ZNF790: variants seen among roughly 807,000 people sequenced by gnomAD.
ZNF790 encodes zinc finger protein 790.
A neutral mutation model predicts 12.1 loss-of-function variants in ZNF790; 8 were observed. The observed-to-expected ratio is 0.66, with a 90% confidence interval of 0.39 to 1.19. The LOEUF (loss-of-function observed/expected upper bound fraction) is 1.19, where lower values mean the gene tolerates loss of function less well. Ranked by LOEUF, ZNF790 falls within the 50% of genes most tolerant of loss-of-function variation. ZNF790 has a pLI of 0.01. For missense variants in ZNF790, 707 were observed against 752.2 expected (o/e 0.94, Z 0.70); for synonymous variants, 252 against 244.3 (o/e 1.03, Z -0.29).
chr19:36,820,739 A>G (rs956604337), intron 4 of ZNF790, among the ~76,000 whole-genome samples: 19 of 152,140 alleles, frequency 1.2e-4, no homozygotes, highest in African/African-American at 4.6e-4. Flanking sequence ...ACCCATCTCT[A>G]TAAAAAATTA....
At chr19:36,845,444 C>A in intron 1 of ZNF790, among the ~76,000 whole-genome samples, 1 of 150,630 alleles carries the variant, frequency 6.6e-6, no homozygotes, top group African/African-American at 2.4e-5. Context: ...GAAAGAATAG[C>A]AATAGAAAGA....
intron 1 of ZNF790, among the ~76,000 whole-genome samples, chr19:36,827,141 C>CACACACACACATATATATATAT (rs1313807327): frequency 1.2e-5 from 1 of 84,432 alleles, no homozygotes; most frequent in African/African-American, 5.5e-5. Context: ...CACACACACA[C>CACACACACACATATATATATAT]ATATATATAT....
At chr19:36,827,300 GGCT>G (rs2071846709) in intron 1 of ZNF790, among the ~76,000 whole-genome samples, 1 of 151,580 alleles carries the variant, frequency 6.6e-6, no homozygotes, top group Non-Finnish European at 1.5e-5. Context: ...CAACAGCCTG[GGCT>G]CCACAGTCGG....
At chr19:36,831,386 A>G (rs1229073955) in intron 1 of ZNF790, among the ~76,000 whole-genome samples, 1 of 152,158 alleles carries the variant, frequency 6.6e-6, no homozygotes, top group Non-Finnish European at 1.5e-5. Flanking sequence ...GTGGAATTCA[A>G]GACTGAAAGA....
chr19:36,820,447 A>G (rs1057148750), intron 4 of ZNF790, among the ~76,000 whole-genome samples: 2 of 152,270 alleles, frequency 1.3e-5, no homozygotes, highest in Non-Finnish European at 2.9e-5. Flanking sequence ...AATGTCTTAT[A>G]TAATTCAGAG....
At chr19:36,833,107 T>G (rs914433104) in intron 1 of ZNF790, among the ~76,000 whole-genome samples, 2 of 152,088 alleles carry the variant, frequency 1.3e-5, no homozygotes, top group Admixed American at 1.3e-4. Context: ...TTCCTATAAA[T>G]AAATCTAACA....
chr19:36,825,344 C>T (rs968286648), intron 2 of ZNF790, among the ~76,000 whole-genome samples: 2 of 152,186 alleles, frequency 1.3e-5, no homozygotes, highest in African/African-American at 2.4e-5. Flanking sequence ...AAAGTCTTTA[C>T]TGTTCCCCTT....
At chr19:36,838,788 A>G (rs2072101875), upstream of ZNF790, among the ~76,000 whole-genome samples, 1 of 152,210 alleles carries the variant, frequency 6.6e-6, no homozygotes, top group African/African-American at 2.4e-5. The surrounding 1 kb of genome is among the most constrained non-coding windows in gnomAD (Gnocchi z 4.4). Flanking sequence ...GATGGTTTTC[A>G]GTAGGAGCTC....
chr19:36,830,233 T>A (rs1302669), intron 1 of ZNF790, among the ~76,000 whole-genome samples: 5,841 of 152,144 alleles, frequency 0.038, 368 homozygotes, highest in African/African-American at 0.13. Context: ...GTGTATGTTT[T>A]AAAAAAAATC....
chr19:36,844,836 CAGG>C lies in ZNF790; in HGVS notation c.-74+5163_-74+5165del, dbSNP rs59763653. ...GGCCGAGGCGGGCGGATCACGAGGT[CAGG>C]AGATCGAGACCATCCCGGCTAAAAC... On this transcript the variant is annotated intron_variant, in intron 1 of 4. Transcript: ENST00000528994. Among the ~76,000 whole-genome samples, 985 of 151,376 alleles carry C rather than the reference CAGG, an allele frequency of 6.5e-3. 12 individuals carry two copies. The highest frequency in any genetic ancestry group is 0.022 in the African/African-American group (916 of 41,306).
At chr19:36,841,002 G>T (rs572907863), upstream of ZNF790, among the ~76,000 whole-genome samples, 69 of 152,026 alleles carry the variant, frequency 4.5e-4, no homozygotes, top group African/African-American at 1.6e-3. Flanking sequence ...AAAAGAAAAA[G>T]ATATGATGTA....
At chr19:36,835,694 G>A (rs2072031495) in intron 1 of ZNF790, among the ~76,000 whole-genome samples, 1 of 152,120 alleles carries the variant, frequency 6.6e-6, no homozygotes, top group East Asian at 1.9e-4. Context: ...TCAAGGTGTT[G>A]GTAGGGCTGT....
rs1171671787 is a variant in ZNF790 at position 36,825,655 on chromosome 19, ATTCT to A, written c.-40_-37del. 6.2e-6 allele frequency: 10 copies of A among 1,613,862 alleles called. No individual in the cohort carries two copies. The highest frequency in any genetic ancestry group is 8.5e-6 in the Non-Finnish European group (10 of 1,179,714). On this transcript the variant is annotated 5_prime_UTR_variant, in exon 2 of 5. Transcript: ENST00000356725. ...TCCAAGTCCACCAGTCCTTCTCTGG[ATTCT>A]TTCTTGGTGAGGCAGCGTGCTGGGA...
chr19:36,841,450 T>A (rs1206983041), upstream of ZNF790, among the ~76,000 whole-genome samples: 3 of 151,822 alleles, frequency 2.0e-5, no homozygotes, highest in African/African-American at 7.3e-5. Flanking sequence ...TGAAACCCCA[T>A]CTCTACTAAA....
At chr19:36,841,656 C>T (rs556727367), upstream of ZNF790, among the ~76,000 whole-genome samples, 7 of 150,980 alleles carry the variant, frequency 4.6e-5, no homozygotes, top group South Asian at 2.1e-4. Context: ...CCAAGGCAGG[C>T]GGATCACCTA....
intron 1 of ZNF790, among the ~76,000 whole-genome samples, chr19:36,835,945 G>T (rs2072035960): frequency 2.0e-5 from 3 of 151,910 alleles, no homozygotes; most frequent in African/African-American, 7.3e-5. Context: ...CCCATTTCAA[G>T]GTTCTTAACT....
upstream of ZNF790, among the ~76,000 whole-genome samples, chr19:36,842,877 T>A (rs560701015): frequency 7.4e-4 from 112 of 151,500 alleles, no homozygotes; most frequent in African/African-American, 2.6e-3. Flanking sequence ...TAGTGGCGGA[T>A]GCCTGTAATC....
chr19:36,838,235 C>G lies in ZNF790; in HGVS notation c.-74+102G>C, dbSNP rs548264818. 1 of 152,678 alleles carries G rather than the reference C, an allele frequency of 6.5e-6. No homozygotes were observed. Among genetic ancestry groups the G allele is most frequent in the African/African-American group, 2.4e-5 (1 of 41,598 alleles). The allele number at this position is 152,678 out of a possible 1,614,324, so 9.5% of individuals were successfully genotyped here. On this transcript the variant is annotated intron_variant, in intron 1 of 4. Coordinates refer to ENST00000356725, the MANE Select transcript of ZNF790 (RefSeq NM_206894.4). The surrounding 1 kb of genome is among the most constrained non-coding windows in gnomAD (Gnocchi z 4.4). ...ATCGCTCGCCCCCACGCTCCCTCGC[C>G]GGCAAAGCCACCAACTCCAAAGACA... is the stretch of plus-strand genomic sequence containing the variant.
At chr19:36,847,246 C>T (rs938226977) in intron 1 of ZNF790, among the ~76,000 whole-genome samples, 17 of 151,112 alleles carry the variant, frequency 1.1e-4, no homozygotes, top group African/African-American at 3.6e-4. Context: ...CCCAGCTACT[C>T]GGGAGGCTGA....
Sources: allele counts gnomAD v4.1 joint callset (sites outside exome capture counted in the v4.1 genomes callset), GRCh38; gene constraint gnomAD v4.1.1; non-coding constraint Gnocchi (gnomAD v3.1); transcripts MANE v1.5; gene names NCBI Gene and HGNC (gene_info 2026-07-23, HGNC 2026-07-21).